Variants in SBF2 observed in about 807,000 individuals in gnomAD.
SBF2 encodes myotubularin-related protein 13.
Under a neutral mutation model 225.2 loss-of-function variants are expected in SBF2, and 112 were observed. The observed-to-expected ratio is 0.50, with a 90% CI of 0.43 to 0.58. SBF2 has a LOEUF of 0.58. SBF2 is among the 20% of genes least tolerant of loss of function. The pLI is 0.00. For missense variants in SBF2, 1,996 were observed against 2,206.2 expected, an observed-to-expected ratio of 0.90 and a Z score of 1.91; for synonymous variants, 763 against 773.3, an observed-to-expected ratio of 0.99 and a Z score of 0.22.
At chr11:10,025,982 A>T (rs1228405898) in intron 6 of SBF2, among the ~76,000 whole-genome samples, 1 of 151,192 alleles carries the variant, frequency 6.6e-6, no homozygotes, top group Non-Finnish European at 1.5e-5. Context: ...GGCCACCATT[A>T]CTGGAAGAGA....
rs576700321 is a variant in SBF2, at chr11:9,781,398, G to A, written c.5451+109C>T. 5,258 of 1,430,310 alleles carry A rather than the reference G, an allele frequency of 3.7e-3. 27 individuals are homozygous for A. The highest frequency in any genetic ancestry group is 7.0e-3 in the Middle Eastern group (30 of 4,260). The allele number at this position is 1,430,310 out of a possible 1,614,324, so 88.6% of individuals were successfully genotyped here. A position where few individuals can be genotyped will look rare whatever the true frequency, so the allele number is the denominator to read the frequency against. The stretch of plus-strand genomic sequence containing the variant: ...ACAATTCCCATAGCCAAGGGGGTCT[G>A]TCATCCATCTGTAGTCACCACCAAT... On this transcript the variant is annotated intron_variant, in intron 39 of 39. Coordinates refer to ENST00000256190, the MANE Select transcript of SBF2 (RefSeq NM_030962.4).
At chr11:10,155,119 G>A (rs1211489837) in intron 2 of SBF2, among the ~76,000 whole-genome samples, 2 of 152,118 alleles carry the variant, frequency 1.3e-5, no homozygotes, top group East Asian at 3.9e-4. Context: ...CATTTGCAAT[G>A]AGCTATAATG....
At chr11:9,858,020 T>C (rs1432482869) in intron 18 of SBF2, among the ~76,000 whole-genome samples, 11 of 152,180 alleles carry the variant, frequency 7.2e-5, no homozygotes, top group Non-Finnish European at 1.6e-4. Flanking sequence ...AAAACAATCC[T>C]AGTGCTGAAG....
chr11:10,210,784 A>T (rs1035249351), intron 1 of SBF2, among the ~76,000 whole-genome samples: 1 of 151,852 alleles, frequency 6.6e-6, no homozygotes, highest in Non-Finnish European at 1.5e-5. Flanking sequence ...AGGCCGAGGG[A>T]GGTGGATCAC....
At chr11:9,909,290 G>T (rs1315782475) in intron 16 of SBF2, among the ~76,000 whole-genome samples, 2 of 151,168 alleles carry the variant, frequency 1.3e-5, no homozygotes, top group Non-Finnish European at 2.9e-5. Flanking sequence ...TATTCTGTTG[G>T]TTTTGTATTT....
intron 17 of SBF2, among the ~76,000 whole-genome samples, chr11:9,891,039 G>A (rs1860764606): frequency 6.6e-6 from 1 of 152,108 alleles, no homozygotes; most frequent in Non-Finnish European, 1.5e-5. Context: ...GGGAGGCTGA[G>A]GTGGGAGAAT....
intron 6 of SBF2, among the ~76,000 whole-genome samples, chr11:10,015,576 C>A (rs1002454378): frequency 6.6e-6 from 1 of 152,146 alleles, no homozygotes; most frequent in African/African-American, 2.4e-5. Context: ...CGTGGTCCAC[C>A]TGGGGTGGGA....
intron 1 of SBF2, among the ~76,000 whole-genome samples, chr11:10,240,519 C>T (rs535190263): frequency 6.6e-6 from 1 of 152,268 alleles, no homozygotes; most frequent in South Asian, 2.1e-4. Flanking sequence ...GTGAGTGACA[C>T]AGAATCAGTA....
At chr11:10,203,617 G>A (rs1482125753) in intron 1 of SBF2, among the ~76,000 whole-genome samples, 1 of 150,938 alleles carries the variant, frequency 6.6e-6, no homozygotes, top group Non-Finnish European at 1.5e-5. Context: ...AAAAGTATGG[G>A]CCACAAGGAG....
At chr11:10,126,033 A>G (rs953476116) in intron 2 of SBF2, among the ~76,000 whole-genome samples, 1 of 152,136 alleles carries the variant, frequency 6.6e-6, no homozygotes, top group East Asian at 1.9e-4. Context: ...GGTGATGTGA[A>G]TCTTGGTTAC....
chr11:10,029,979 A>ATAT (rs1949197153), intron 4 of SBF2, 104 bp from the exon 5 acceptor site: 11 of 821,192 alleles, frequency 1.3e-5, no homozygotes, highest in Non-Finnish European at 2.3e-5. Context: ...CCAGTAAAGT[A>ATAT]TATTATACAG....
chr11:10,277,769 A>G (rs1195846345), intron 1 of SBF2, among the ~76,000 whole-genome samples: 1 of 152,190 alleles, frequency 6.6e-6, no homozygotes, highest in East Asian at 1.9e-4. Context: ...AAGAGATCAG[A>G]GTTATGCTAC....
At chr11:9,840,220 C>A (rs549261749) in intron 25 of SBF2, among the ~76,000 whole-genome samples, 9 of 146,436 alleles carry the variant, frequency 6.1e-5, no homozygotes, top group African/African-American at 2.0e-4. Flanking sequence ...GGCAACCGAG[C>A]GAGACTTTGT....
intron 28 of SBF2, among the ~76,000 whole-genome samples, chr11:9,817,371 A>G (rs1854508817): frequency 6.6e-6 from 1 of 152,178 alleles, no homozygotes; most frequent in Non-Finnish European, 1.5e-5. Flanking sequence ...AGGTACTAAT[A>G]AAGTCTAGGA....
intron 9 of SBF2, among the ~76,000 whole-genome samples, chr11:9,995,040 CA>C (rs5789626): frequency 0.67 from 93,451 of 138,484 alleles, 30,120 homozygotes; most frequent in Non-Finnish European, 0.74. Flanking sequence ...GACTCTGTCT[CA>C]AAAAAAAAAA....
At chr11:9,873,201 G>C (rs1858924078) in intron 17 of SBF2, among the ~76,000 whole-genome samples, 1 of 65,268 alleles carries the variant, frequency 1.5e-5, no homozygotes, top group African/African-American at 6.1e-5. Flanking sequence ...GTGAGACTCT[G>C]TCTCAAAAAA....
chr11:10,242,004 C>T (rs1323022051), intron 1 of SBF2, among the ~76,000 whole-genome samples: 1 of 151,134 alleles, frequency 6.6e-6, no homozygotes, highest in Admixed American at 6.6e-5. Context: ...ACCCACTTGC[C>T]CACAGACCCT....
intron 16 of SBF2, chr11:9,929,118 G>A: frequency 3.3e-6 from 1 of 300,108 alleles, no homozygotes; most frequent in South Asian, 4.0e-5. Flanking sequence ...CCAAGTGGGA[G>A]CAATCATCAA....
chr11:10,143,697 G>A (rs1357490043), intron 2 of SBF2, among the ~76,000 whole-genome samples: 2 of 151,700 alleles, frequency 1.3e-5, no homozygotes, highest in African/African-American at 4.8e-5. Flanking sequence ...AGTTTTTTTA[G>A]ATATTAACAA....
Sources: allele counts gnomAD v4.1 joint callset (sites outside exome capture counted in the v4.1 genomes callset), GRCh38; gene constraint gnomAD v4.1.1; transcripts MANE v1.5; gene names NCBI Gene and HGNC (gene_info 2026-07-23, HGNC 2026-07-21).